Variants in CWF19L2 observed in about 807,000 individuals in gnomAD.
CWF19L2 encodes the protein CWF19 like cell cycle control factor 2, also known as CWF19-like protein 2.
Under a neutral mutation model 111.7 loss-of-function variants are expected in CWF19L2, and 98 were observed. The observed-to-expected ratio is 0.88, with a 90% CI of 0.75 to 1.04. CWF19L2 has a LOEUF of 1.04. Among genes scored for constraint, CWF19L2 ranks in the 50% least tolerant of loss-of-function variants. The pLI is 0.00. For synonymous variants in CWF19L2, 351 were observed against 342.9 expected (o/e 1.02, Z -0.26); for missense variants, 1,101 against 1,051.4 (o/e 1.05, Z -0.65).
At chr11:107,367,060 A>G (rs1397596664) in intron 12 of CWF19L2, among the ~76,000 whole-genome samples, 1 of 115,992 alleles carries the variant, frequency 8.6e-6, no homozygotes, top group East Asian at 2.5e-4. Flanking sequence ...TATGCAGCCA[A>G]AAAACACATG....
intron 2 of CWF19L2, 143 bp from the exon 3 acceptor site, chr11:107,454,715 T>A (rs1403581230): frequency 3.2e-5 from 15 of 469,368 alleles, no homozygotes; most frequent in Non-Finnish European, 3.4e-6. Context: ...TCTAAATAAA[T>A]AAAATCTTTC....
chr11:107,404,850 A>C lies in CWF19L2; in HGVS notation c.1617+11359T>G, dbSNP rs142218264. On this transcript the variant is annotated intron_variant, in intron 10 of 17. Transcript: ENST00000282251. The stretch of plus-strand genomic sequence containing the variant: ...ACTTTCCCCTCTACTTTCCTCTTCT[A>C]CTCACTTCTCTACTTTCTGTTCCTT... 7.5e-3 allele frequency among the ~76,000 whole-genome samples: 1,135 copies of C among 152,282 alleles called. 4 individuals are homozygous for C. The highest frequency in any genetic ancestry group is 0.034 in the Middle Eastern group (10 of 294).
intron 11 of CWF19L2, among the ~76,000 whole-genome samples, chr11:107,392,002 A>G (rs185163312): frequency 6.6e-6 from 1 of 152,232 alleles, no homozygotes; most frequent in Non-Finnish European, 1.5e-5. Flanking sequence ...AGTCAGTTCC[A>G]CCATTTCATA....
At chr11:107,362,060 G>A (rs1234634035) in intron 12 of CWF19L2, among the ~76,000 whole-genome samples, 1 of 152,164 alleles carries the variant, frequency 6.6e-6, no homozygotes, top group Non-Finnish European at 1.5e-5. Context: ...AGAAAGGGGT[G>A]ACGGACGCAC....
chr11:107,386,248 A>C (rs1378344781), intron 12 of CWF19L2, among the ~76,000 whole-genome samples: 1 of 152,032 alleles, frequency 6.6e-6, no homozygotes, highest in African/African-American at 2.4e-5. Flanking sequence ...TCCTGGCCTC[A>C]AGTAATCCTC....
chr11:107,375,277 T>G (rs1468357632), intron 12 of CWF19L2, among the ~76,000 whole-genome samples: 2,442 of 133,226 alleles, frequency 0.018, 181 homozygotes, highest in African/African-American at 0.04. Context: ...GGACCTAATA[T>G]ACATCTACAG....
intron 12 of CWF19L2, among the ~76,000 whole-genome samples, chr11:107,370,058 T>C (rs1035127304): frequency 7.3e-6 from 1 of 137,370 alleles, no homozygotes; most frequent in Non-Finnish European, 1.6e-5. Context: ...TCCAACAAAG[T>C]CAACAGTCCT....
At chr11:107,336,460 A>G in intron 15 of CWF19L2, 98 bp downstream of exon 15, 1 of 955,906 alleles carries the variant, frequency 1.0e-6, no homozygotes, top group Non-Finnish European at 1.5e-6. Flanking sequence ...TTTTGATGTA[A>G]GTATATAGGA....
intron 10 of CWF19L2, among the ~76,000 whole-genome samples, chr11:107,398,298 G>A (rs989113070): frequency 6.6e-6 from 1 of 151,882 alleles, no homozygotes; most frequent in African/African-American, 2.4e-5. Flanking sequence ...AAGACGTGAA[G>A]GAAAAAATAT....
intron 13 of CWF19L2, among the ~76,000 whole-genome samples, chr11:107,351,256 A>C (rs1161162930): frequency 6.6e-6 from 1 of 152,214 alleles, no homozygotes; most frequent in East Asian, 1.9e-4. Context: ...AATATAGCCA[A>C]CAGAATTTAG....
chr11:107,422,238 A>C (rs1861312396), intron 8 of CWF19L2, among the ~76,000 whole-genome samples: 1 of 152,194 alleles, frequency 6.6e-6, no homozygotes, highest in Non-Finnish European at 1.5e-5. Context: ...CCCAAACGTC[A>C]ATCAAAAATG....
chr11:107,440,186 C>A (rs1021288775), intron 5 of CWF19L2, among the ~76,000 whole-genome samples: 1 of 151,988 alleles, frequency 6.6e-6, no homozygotes, highest in Non-Finnish European at 1.5e-5. Flanking sequence ...ACTAATGATA[C>A]CGAAGTTGAC....
intron 10 of CWF19L2, among the ~76,000 whole-genome samples, chr11:107,394,457 T>C (rs1293287345): frequency 6.6e-6 from 1 of 152,158 alleles, no homozygotes; most frequent in Non-Finnish European, 1.5e-5. Flanking sequence ...AATTATTAAA[T>C]TGTCATCTTC....
intron 12 of CWF19L2, among the ~76,000 whole-genome samples, chr11:107,373,484 C>G (rs1421786768): frequency 9.0e-6 from 1 of 110,726 alleles, no homozygotes; most frequent in Non-Finnish European, 2.0e-5. Flanking sequence ...AGCAGCCTAA[C>G]TGGGAGGCAC....
Position 107,390,204 on chromosome 11 carries a change from G to C in CWF19L2, c.1742C>G (p.Thr581Ser). 6.3e-7 allele frequency: 1 copy of C among 1,598,808 alleles called. No homozygotes were observed. The highest frequency in any genetic ancestry group is 8.5e-7 in the Non-Finnish European group (1 of 1,173,792). ...GGRRKRQMVS[T>S]HEERERVRYF... ...TCTGACCCTTTCTCTTTCCTCATGGGTTGAAACCTATGACAAAATGAACAT... is the reference window on the plus strand; with the variant it reads ...TCTGACCCTTTCTCTTTCCTCATGGCTTGAAACCTATGACAAAATGAACAT... The change falls in exon 12 of 18, where the codon ACC becomes AGC. Residue 581 changes from threonine to serine, a missense_variant. By Grantham distance (58) the Thr-to-Ser change is moderately conservative (BLOSUM62 1). Transcript: ENST00000282251.
intron 17 of CWF19L2, among the ~76,000 whole-genome samples, chr11:107,328,988 C>G (rs1859803817): frequency 6.6e-6 from 1 of 152,110 alleles, no homozygotes; most frequent in Admixed American, 6.6e-5. Flanking sequence ...GTTGAGATTC[C>G]TCTTCAGATA....
At chr11:107,340,989 G>T (rs1859998063) in intron 14 of CWF19L2, among the ~76,000 whole-genome samples, 1 of 152,082 alleles carries the variant, frequency 6.6e-6, no homozygotes, top group African/African-American at 2.4e-5. Context: ...TGGCATTTTT[G>T]AGATCTTTTA....
At chr11:107,384,250 C>T (rs566430719) in intron 12 of CWF19L2, among the ~76,000 whole-genome samples, 15 of 152,250 alleles carry the variant, frequency 9.9e-5, no homozygotes, top group Admixed American at 3.9e-4. Flanking sequence ...ATCCAAAATG[C>T]TTGGAACCAG....
chr11:107,415,404 T>C (rs556868585), intron 10 of CWF19L2, among the ~76,000 whole-genome samples: 2 of 152,352 alleles, frequency 1.3e-5, no homozygotes, highest in South Asian at 4.1e-4. Context: ...TGATACACTG[T>C]ATTATTTTTT....
Sources: gnomAD v4.1 joint callset for allele counts (sites outside exome capture counted in the v4.1 genomes callset) on GRCh38, gnomAD v4.1.1 for gene constraint, MANE v1.5 for transcripts, NCBI Gene and HGNC (gene_info 2026-07-23, HGNC 2026-07-21) for gene names.